The following COG6 variants were observed in gnomAD, a reference collection of about 807,000 sequenced individuals.
COG6 encodes the protein conserved oligomeric Golgi complex subunit 6.
A neutral mutation model predicts 88.8 loss-of-function variants in COG6; 74 were observed. That is an observed-to-expected ratio of 0.83 (90% CI 0.69 to 1.01). COG6 has a LOEUF of 1.01. COG6 is among the 50% of genes least tolerant of loss of function. COG6 has a pLI of 0.00. For synonymous variants in COG6, 286 were observed against 278.7 expected, an observed-to-expected ratio of 1.03 and a Z score of -0.26; for missense variants, 800 against 797.9, an observed-to-expected ratio of 1.00 and a Z score of -0.03.
intron 13 of COG6, 150 bp from the exon 14 acceptor site, chr13:39,719,086 T>C (rs1878697185): frequency 2.7e-6 from 2 of 731,202 alleles, no homozygotes; most frequent in Non-Finnish European, 4.7e-6. Flanking sequence ...GTTAATATAG[T>C]TCAAAGTAAG....
chr13:39,683,055 C>T (rs1400723747), intron 8 of COG6, among the ~76,000 whole-genome samples: 1 of 152,066 alleles, frequency 6.6e-6, no homozygotes, highest in Non-Finnish European at 1.5e-5. Flanking sequence ...ACTACTTATC[C>T]TATCATCAGG....
intron 18 of COG6, among the ~76,000 whole-genome samples, chr13:39,780,079 G>A (rs931917508): frequency 2.6e-5 from 4 of 152,180 alleles, no homozygotes; most frequent in Admixed American, 2.6e-4. Context: ...GACATTCCAA[G>A]AACATGTGTC....
In COG6 at chr13:39,781,178, G is replaced by A. The variant is rs555915686; in HGVS notation, c.1827-7157G>A. ...TGAAGGGCCTGGGGGTGGGGACAAG[G>A]ATGCAGAGGGGAGCTGTTTTAGAGA... On this transcript the variant is annotated intron_variant, in intron 18 of 18. Transcript: ENST00000416691. Among the ~76,000 whole-genome samples the A allele has an allele frequency of 2.6e-5, 4 of 152,262 alleles. No individual in the cohort carries two copies. The South Asian group carries it at 8.3e-4, about 32-fold the overall frequency.
intron 4 of COG6, among the ~76,000 whole-genome samples, chr13:39,672,570 T>C (rs1875715224): frequency 6.6e-6 from 1 of 152,086 alleles, no homozygotes; most frequent in African/African-American, 2.4e-5. Context: ...GATTCATCCA[T>C]GTTACTTTAA....
At chr13:39,687,974 C>T (rs1463286247) in intron 10 of COG6, among the ~76,000 whole-genome samples, 175 bp downstream of exon 10, 1 of 152,210 alleles carries the variant, frequency 6.6e-6, no homozygotes, top group Admixed American at 6.5e-5. Context: ...TAGACTTTCT[C>T]TTCCATCACC....
intron 18 of COG6, among the ~76,000 whole-genome samples, chr13:39,768,412 T>C (rs1881228277): frequency 6.6e-6 from 1 of 152,198 alleles, no homozygotes; most frequent in Admixed American, 6.5e-5. Flanking sequence ...CCAGTGGAGC[T>C]CTTGATTGCT....
chr13:39,719,667 CAT>C lies in COG6; in HGVS notation c.1425_1426del (p.Val477LeufsTer19). On this transcript the variant is annotated frameshift_variant, in exon 15 of 19. Coordinates refer to ENST00000455146, the MANE Select transcript of COG6 (RefSeq NM_020751.3). LOFTEE classifies it high-confidence loss of function. ...TTTATTTTTCATTTGTAGGTTTTATCATGTGTCTTGGATCCTCTCCTACAGAT... is the reference window on the plus strand; with the variant it reads ...TTTATTTTTCATTTGTAGGTTTTATCGTGTCTTGGATCCTCTCCTACAGAT... The C allele has an allele frequency of 6.2e-7, 1 of 1,611,786 alleles. No individual in the cohort carries two copies. The highest frequency in any genetic ancestry group is 8.5e-7 in the Non-Finnish European group (1 of 1,178,304).
At chr13:39,784,791 C>G (rs1881724936) in intron 18 of COG6, among the ~76,000 whole-genome samples, 1 of 152,194 alleles carries the variant, frequency 6.6e-6, no homozygotes, top group African/African-American at 2.4e-5. Flanking sequence ...TGGGCTCCCA[C>G]TCTGAAGGCT....
At chr13:39,746,288 GTGT>G (rs1181020747) in intron 18 of COG6, among the ~76,000 whole-genome samples, 1 of 151,250 alleles carries the variant, frequency 6.6e-6, no homozygotes, top group Non-Finnish European at 1.5e-5. Context: ...ATATCTTTTG[GTGT>G]TGTGAAAAGC....
At chr13:39,667,140 G>A (rs374136213) in intron 4 of COG6, among the ~76,000 whole-genome samples, 2 of 151,888 alleles carry the variant, frequency 1.3e-5, no homozygotes, top group African/African-American at 4.8e-5. Flanking sequence ...TTTGACAGCA[G>A]GAAAATATAA....
rs960368178 is a variant in COG6, at chr13:39,694,697, C to G, written c.1138C>G (p.Leu380Val). 1.3e-6 allele frequency: 2 copies of G among 1,592,734 alleles called. No homozygotes were observed. The highest frequency in any genetic ancestry group is 1.7e-6 in the Non-Finnish European group (2 of 1,163,366). The stretch of plus-strand genomic sequence containing the variant: ...AGTTTTATTATATAAAATTTCTAAT[C>G]TCCTCAAATTTTATCACCATACAAT... ...GAVLLYKISNLLKFYHHTISG... is the reference protein window; with the variant it reads ...GAVLLYKISNVLKFYHHTISG... The change falls in exon 12 of 19, where the codon CTC becomes GTC. Residue 380 changes from leucine to valine, a missense_variant. By Grantham distance (32) the Leu-to-Val change is conservative. Coordinates refer to ENST00000455146, the MANE Select transcript of COG6 (RefSeq NM_020751.3).
At chr13:39,704,489 G>C (rs1877772844) in intron 13 of COG6, among the ~76,000 whole-genome samples, 1 of 152,130 alleles carries the variant, frequency 6.6e-6, no homozygotes, top group Non-Finnish European at 1.5e-5. Flanking sequence ...TCATTAAATG[G>C]AAGTGAATCA....
chr13:39,693,647 C>G (rs1347804390), intron 11 of COG6, among the ~76,000 whole-genome samples: 1 of 151,814 alleles, frequency 6.6e-6, no homozygotes, highest in Non-Finnish European at 1.5e-5. Flanking sequence ...TCACCTATAC[C>G]AACAGATCAA....
intron 18 of COG6, among the ~76,000 whole-genome samples, chr13:39,730,783 A>AAAG (rs1315502781): frequency 6.7e-6 from 1 of 148,188 alleles, no homozygotes; most frequent in African/African-American, 2.5e-5. Flanking sequence ...CAAAAAAAAA[A>AAAG]AAAAAAAAAA....
intron 8 of COG6, among the ~76,000 whole-genome samples, chr13:39,684,334 C>T (rs1247797673): frequency 7.1e-6 from 1 of 140,794 alleles, no homozygotes; most frequent in African/African-American, 2.6e-5. Context: ...CTGCAGGCTC[C>T]GCCCCCTGGG....
At chr13:39,745,329 T>G (rs1880283930) in intron 18 of COG6, among the ~76,000 whole-genome samples, 1 of 152,116 alleles carries the variant, frequency 6.6e-6, no homozygotes. Context: ...AAAAAATGTT[T>G]GCAATCTACC....
Position 39,676,487 on chromosome 13 carries a change from CA to C in COG6, c.429-980del, listed in dbSNP as rs563441396. Among the ~76,000 whole-genome samples the C allele has an allele frequency of 3.3e-3, 499 of 152,104 alleles. 2 individuals carry two copies. The highest frequency in any genetic ancestry group is 0.012 in the African/African-American group (484 of 41,520). ...TAGGTGATTTATCATTTGAAATAAA[CA>C]GATCTTTGCTGCCACCTGGAGGATT... On this transcript the variant is annotated intron_variant, in intron 4 of 18. Coordinates refer to ENST00000455146, the MANE Select transcript of COG6 (RefSeq NM_020751.3).
chr13:39,727,344 C>T, intron 17 of COG6, 125 bp from the exon 18 acceptor site: 5 of 751,738 alleles, frequency 6.7e-6, no homozygotes, highest in Non-Finnish European at 1.2e-5. Context: ...TTGAACACAA[C>T]AATCTAGTTA....
At chr13:39,707,580 A>G (rs1878012470) in intron 13 of COG6, among the ~76,000 whole-genome samples, 1 of 152,186 alleles carries the variant, frequency 6.6e-6, no homozygotes, top group Non-Finnish European at 1.5e-5. Flanking sequence ...TTCCCAGTCA[A>G]TATCTAACCC....
Sources: gnomAD v4.1 joint callset for allele counts (sites outside exome capture counted in the v4.1 genomes callset) on GRCh38, gnomAD v4.1.1 for gene constraint, MANE v1.5 for transcripts, NCBI Gene and HGNC (gene_info 2026-07-23, HGNC 2026-07-21) for gene names.